Variants in DGKI observed in about 807,000 individuals in gnomAD.
DGKI encodes DAG kinase iota.
A neutral mutation model predicts 147.5 loss-of-function variants in DGKI; 55 were observed. That is an observed-to-expected ratio of 0.37 (90% CI 0.30 to 0.47). DGKI has a LOEUF of 0.47. Among genes scored for constraint, DGKI ranks in the 20% least tolerant of loss-of-function variants. The probability of loss-of-function intolerance (pLI) is 1.00; values close to 1 mark genes in which losing one functional copy is unlikely to be tolerated. For synonymous variants in DGKI, 469 were observed against 477.1 expected (o/e 0.98, Z 0.22); for missense variants, 1,007 against 1,323.8 (o/e 0.76, Z 3.71).
intron 1 of DGKI, among the ~76,000 whole-genome samples, chr7:137,772,956 C>T (rs1440362884): frequency 1.3e-5 from 2 of 152,180 alleles, no homozygotes; most frequent in South Asian, 2.1e-4. Context: ...GTCAGTGTCA[C>T]AATGGAATAA....
chr7:137,477,850 G>A (rs189698490), intron 23 of DGKI, among the ~76,000 whole-genome samples: 7 of 152,066 alleles, frequency 4.6e-5, no homozygotes, highest in East Asian at 1.9e-4. Flanking sequence ...TTGTACAGAC[G>A]GGGTTTCACC....
At chr7:137,695,337 T>C (rs1031191047) in intron 1 of DGKI, among the ~76,000 whole-genome samples, 2 of 152,226 alleles carry the variant, frequency 1.3e-5, no homozygotes, top group Non-Finnish European at 2.9e-5. Flanking sequence ...CGAATGTCTA[T>C]TTTATGCCAA....
At chr7:137,767,471 G>GGAAGA (rs71177920) in intron 1 of DGKI, among the ~76,000 whole-genome samples, 18,773 of 89,474 alleles carry the variant, frequency 0.21, 2,472 homozygotes, top group East Asian at 0.25. Flanking sequence ...AGAAGAGAAG[G>GGAAGA]GAAGAGAAGA....
intron 27 of DGKI, among the ~76,000 whole-genome samples, chr7:137,450,814 GATTT>G (rs985987728): frequency 2.0e-5 from 3 of 150,186 alleles, no homozygotes; most frequent in Admixed American, 6.6e-5. Flanking sequence ...TTTTACTTTG[GATTT>G]ACTCTTCCAT....
intron 1 of DGKI, among the ~76,000 whole-genome samples, chr7:137,789,278 A>G (rs905567266): frequency 1.3e-5 from 2 of 152,270 alleles, no homozygotes; most frequent in Non-Finnish European, 2.9e-5. Flanking sequence ...AATGAATGCA[A>G]AAGATTTGGA....
intron 20 of DGKI, among the ~76,000 whole-genome samples, chr7:137,550,317 A>G (rs1424313994): frequency 6.6e-6 from 1 of 152,044 alleles, no homozygotes; most frequent in Non-Finnish European, 1.5e-5. Flanking sequence ...CTGGGATTAC[A>G]GGCGCATGCC....
intron 2 of DGKI, among the ~76,000 whole-genome samples, chr7:137,684,932 C>G (rs775609810): frequency 2.0e-5 from 3 of 152,090 alleles, no homozygotes; most frequent in African/African-American, 7.2e-5. Context: ...CGGACGAGCA[C>G]GCACGCACAA....
chr7:137,626,401 C>T (rs1162524330), intron 6 of DGKI, among the ~76,000 whole-genome samples: 2 of 151,354 alleles, frequency 1.3e-5, no homozygotes, highest in African/African-American at 4.9e-5. Flanking sequence ...CATGTGTTTA[C>T]TACTACAGGG....
At chr7:137,483,186 T>A (rs1815432349) in intron 23 of DGKI, among the ~76,000 whole-genome samples, 1 of 151,856 alleles carries the variant, frequency 6.6e-6, no homozygotes, top group African/African-American at 2.4e-5. Context: ...CATAAAAAAA[T>A]ATGGTACAAA....
rs1811176719 is a variant in DGKI, at chr7:137,386,368, T to C, written c.*4852A>G. 1 of 152,058 alleles carries C rather than the reference T, an allele frequency of 6.6e-6. No individual in the cohort carries two copies. The highest frequency in any genetic ancestry group is 6.6e-5 in the Admixed American group (1 of 15,250). 9.4% of individuals were successfully genotyped at this position (152,058 alleles called of 1,614,324 possible). A position where few individuals can be genotyped will look rare whatever the true frequency, so the allele number is the denominator to read the frequency against. On this transcript the variant is annotated 3_prime_UTR_variant, in exon 33 of 33. Coordinates refer to ENST00000614521, the MANE Select transcript of DGKI (RefSeq NM_001321708.2). ...CGTCAAAGAGGCATGTGGCTTACATTGTTGAATGAGGAAGCAGCAGCCGTG... is the reference window on the plus strand; with the variant it reads ...CGTCAAAGAGGCATGTGGCTTACATCGTTGAATGAGGAAGCAGCAGCCGTG...
chr7:137,663,121 T>C (rs563984233), intron 3 of DGKI, among the ~76,000 whole-genome samples: 1 of 152,362 alleles, frequency 6.6e-6, no homozygotes, highest in South Asian at 2.1e-4. Context: ...CCAGAATATA[T>C]TTATGGAAAT....
intron 28 of DGKI, among the ~76,000 whole-genome samples, chr7:137,429,371 T>C (rs1385729032): frequency 6.6e-6 from 1 of 152,144 alleles, no homozygotes; most frequent in Admixed American, 6.5e-5. Flanking sequence ...TGAAAGTGGA[T>C]CCCTTCCTTA....
intron 10 of DGKI, among the ~76,000 whole-genome samples, chr7:137,608,294 G>A (rs1820249430): frequency 6.6e-6 from 1 of 152,192 alleles, no homozygotes; most frequent in African/African-American, 2.4e-5. Flanking sequence ...AGAAGCCTCA[G>A]AGAGTGGGAA....
At chr7:137,420,238 C>A (rs1228738416) in intron 28 of DGKI, among the ~76,000 whole-genome samples, 2 of 152,172 alleles carry the variant, frequency 1.3e-5, no homozygotes, top group Non-Finnish European at 2.9e-5. Flanking sequence ...CAACTCACCT[C>A]GCCTTGGAAA....
intron 8 of DGKI, among the ~76,000 whole-genome samples, chr7:137,616,905 A>C (rs1193691430): frequency 6.6e-6 from 1 of 152,004 alleles, no homozygotes; most frequent in African/African-American, 2.4e-5. Flanking sequence ...AAAGAGTGAA[A>C]ATTGGAAAAC....
chr7:137,647,849 C>T (rs907795339), intron 5 of DGKI, among the ~76,000 whole-genome samples: 1 of 152,208 alleles, frequency 6.6e-6, no homozygotes, highest in Non-Finnish European at 1.5e-5. Flanking sequence ...ATTCGCATTA[C>T]AGTAGGGCAC....
At chr7:137,472,217 ATG>A (rs1337137384) in intron 23 of DGKI, among the ~76,000 whole-genome samples, 5 of 114,284 alleles carry the variant, frequency 4.4e-5, no homozygotes, top group Admixed American at 1.1e-4. Flanking sequence ...ACACATATAT[ATG>A]TATATATACA....
At chr7:137,524,154 C>A (rs974369678) in intron 20 of DGKI, among the ~76,000 whole-genome samples, 6 of 152,052 alleles carry the variant, frequency 3.9e-5, no homozygotes, top group African/African-American at 1.4e-4. Context: ...GCAGAGAGTA[C>A]AAATGAATGT....
At chr7:137,575,911 A>G (rs1305766684) in intron 17 of DGKI, among the ~76,000 whole-genome samples, 1 of 151,988 alleles carries the variant, frequency 6.6e-6, no homozygotes, top group Non-Finnish European at 1.5e-5. Context: ...GTGATTACAC[A>G]TTTTAATTTT....
Sources: gnomAD v4.1 joint callset for allele counts (sites outside exome capture counted in the v4.1 genomes callset) on GRCh38, gnomAD v4.1.1 for gene constraint, MANE v1.5 for transcripts, NCBI Gene and HGNC (gene_info 2026-07-23, HGNC 2026-07-21) for gene names.